Variants in CDH12 observed in about 807,000 individuals in gnomAD.
CDH12 encodes the protein cadherin-12.
Under a neutral mutation model 74.1 loss-of-function variants are expected in CDH12, and 41 were observed. That is an observed-to-expected ratio of 0.55 (90% CI 0.43 to 0.72). The LOEUF is 0.72. CDH12 is among the 30% of genes least tolerant of loss of function. The pLI, the probability that CDH12 is intolerant of heterozygous loss-of-function variation, is 0.00. For synonymous variants in CDH12, 399 were observed against 355.0 expected, an observed-to-expected ratio of 1.12 and a Z score of -1.39; for missense variants, 945 against 977.2, an observed-to-expected ratio of 0.97 and a Z score of 0.44.
chr5:22,313,888 G>C (rs1037127619), intron 3 of CDH12, among the ~76,000 whole-genome samples: 8 of 151,988 alleles, frequency 5.3e-5, no homozygotes, highest in South Asian at 4.2e-4. Context: ...CCAGTGACAG[G>C]TACACTATAA....
chr5:22,008,666 G>C (rs1737110011), intron 5 of CDH12, among the ~76,000 whole-genome samples: 1 of 152,082 alleles, frequency 6.6e-6, no homozygotes, highest in South Asian at 2.1e-4. Flanking sequence ...AGTTTTGTTG[G>C]GAACTCATTT....
intron 6 of CDH12, among the ~76,000 whole-genome samples, chr5:21,963,087 A>G (rs934360134): frequency 1.3e-5 from 2 of 149,958 alleles, no homozygotes; most frequent in Non-Finnish European, 2.9e-5. Flanking sequence ...AGCTATTTAC[A>G]AATATCGATA....
At chr5:22,650,730 A>G (rs563278718) in intron 1 of CDH12, among the ~76,000 whole-genome samples, 1 of 152,172 alleles carries the variant, frequency 6.6e-6, no homozygotes, top group Admixed American at 6.6e-5. Flanking sequence ...GTAATGAAGC[A>G]TCACTCTCTG....
chr5:21,830,485 C>T (rs990974857), intron 8 of CDH12, among the ~76,000 whole-genome samples: 1 of 152,016 alleles, frequency 6.6e-6, no homozygotes, highest in African/African-American at 2.4e-5. Flanking sequence ...CCAAACAGAG[C>T]CACTTTTGAG....
At chr5:22,325,100 C>T (rs1739030605) in intron 3 of CDH12, among the ~76,000 whole-genome samples, 2 of 152,250 alleles carry the variant, frequency 1.3e-5, no homozygotes, top group African/African-American at 4.8e-5. Context: ...AGAAAATGGT[C>T]GTGTTTTGGT....
chr5:22,677,757 C>A (rs980535530), intron 1 of CDH12, among the ~76,000 whole-genome samples: 2 of 152,066 alleles, frequency 1.3e-5, no homozygotes, highest in African/African-American at 4.8e-5. Context: ...AAACTGCCTG[C>A]ACATTATTGT....
chr5:22,335,595 A>AC (rs1739546091), intron 3 of CDH12, among the ~76,000 whole-genome samples: 2 of 151,788 alleles, frequency 1.3e-5, no homozygotes, highest in African/African-American at 4.8e-5. Context: ...AAAAGAAAAA[A>AC]AAAAACAAAA....
intron 1 of CDH12, among the ~76,000 whole-genome samples, chr5:22,514,335 T>C (rs1034548724): frequency 3.3e-5 from 5 of 151,092 alleles, no homozygotes; most frequent in African/African-American, 7.3e-5. Context: ...AAGTGAATGG[T>C]TGAATATGAA....
intron 1 of CDH12, among the ~76,000 whole-genome samples, chr5:22,575,348 C>G (rs1739731036): frequency 6.6e-6 from 1 of 151,980 alleles, no homozygotes; most frequent in Non-Finnish European, 1.5e-5. Flanking sequence ...TTTGTGTACT[C>G]TGGGCTGAGG....
chr5:21,845,555 CT>C (rs11437870), intron 7 of CDH12, among the ~76,000 whole-genome samples: 3,159 of 133,652 alleles, frequency 0.024, 31 homozygotes, highest in African/African-American at 0.036. Context: ...CCACTTTAGT[CT>C]TTTTTTTTTT....
At chr5:22,437,582 C>T (rs1156303940) in intron 2 of CDH12, among the ~76,000 whole-genome samples, 1 of 118,630 alleles carries the variant, frequency 8.4e-6, no homozygotes, top group Admixed American at 9.2e-5. Context: ...AAAATAATTC[C>T]AAGGTAAACT....
chr5:22,544,750 C>G (rs1406185304), intron 1 of CDH12, among the ~76,000 whole-genome samples: 1 of 151,628 alleles, frequency 6.6e-6, no homozygotes, highest in South Asian at 2.1e-4. Flanking sequence ...CTAGGAAGGA[C>G]AGATTGCAGT....
chr5:22,231,767 C>G (rs1752393643), intron 3 of CDH12, among the ~76,000 whole-genome samples: 1 of 151,816 alleles, frequency 6.6e-6, no homozygotes, highest in Admixed American at 6.6e-5. Context: ...TATATGAAAA[C>G]AAAACTTTTA....
At chr5:21,934,969 G>A (rs1217767823) in intron 6 of CDH12, among the ~76,000 whole-genome samples, 1 of 151,948 alleles carries the variant, frequency 6.6e-6, no homozygotes, top group African/African-American at 2.4e-5. Flanking sequence ...TGTTTTTTTC[G>A]TAGAGACGGG....
chr5:22,034,508 T>C (rs1189400714), intron 5 of CDH12, among the ~76,000 whole-genome samples: 1 of 152,166 alleles, frequency 6.6e-6, no homozygotes, highest in African/African-American at 2.4e-5. Flanking sequence ...TGGAGACATA[T>C]GCCTTGCAGC....
intron 4 of CDH12, among the ~76,000 whole-genome samples, chr5:22,164,635 T>C (rs1252851365): frequency 6.6e-6 from 1 of 152,204 alleles, no homozygotes; most frequent in Non-Finnish European, 1.5e-5. Context: ...GGGGGTTGCC[T>C]TTGCTGGCTC....
At chr5:21,934,352 G>A (rs1486202700) in intron 6 of CDH12, among the ~76,000 whole-genome samples, 1 of 152,136 alleles carries the variant, frequency 6.6e-6, no homozygotes, top group African/African-American at 2.4e-5. Flanking sequence ...TATTATGCAT[G>A]AGCATATGTA....
intron 8 of CDH12, among the ~76,000 whole-genome samples, chr5:21,821,387 A>G (rs948664583): frequency 3.3e-5 from 5 of 152,010 alleles, no homozygotes; most frequent in African/African-American, 1.2e-4. Flanking sequence ...GAACAAATAT[A>G]TTAAGTGAAT....
At chr5:21,904,402 T>C (rs1753541347) in intron 6 of CDH12, among the ~76,000 whole-genome samples, 2 of 152,056 alleles carry the variant, frequency 1.3e-5, no homozygotes, top group Admixed American at 1.3e-4. Flanking sequence ...CACCACTGGA[T>C]TTTGGAATTC....
Sources: gnomAD v4.1 joint callset for allele counts (sites outside exome capture counted in the v4.1 genomes callset) on GRCh38, gnomAD v4.1.1 for gene constraint, MANE v1.5 for transcripts, NCBI Gene and HGNC (gene_info 2026-07-23, HGNC 2026-07-21) for gene names.